The following IZUMO2 variants were observed in gnomAD, a reference collection of about 807,000 sequenced individuals.
IZUMO2 encodes IZUMO family member 2.
A neutral mutation model predicts 31.2 loss-of-function variants in IZUMO2; 24 were observed. The ratio of observed to expected loss-of-function variants is 0.77; its 90% CI spans 0.56 to 1.08. The LOEUF (loss-of-function observed/expected upper bound fraction) is 1.08. IZUMO2 is among the 50% of genes least tolerant of loss of function. The pLI, the probability that IZUMO2 is intolerant of heterozygous loss-of-function variation, is 0.00. For missense variants in IZUMO2, 278 were observed against 274.0 expected (o/e 1.01, Z -0.10); for synonymous variants, 144 against 117.3 (o/e 1.23, Z -1.47).
At chr19:50,157,677 G>C (rs1360932621) in intron 5 of IZUMO2, among the ~76,000 whole-genome samples, 1 of 1,036 alleles carries the variant, frequency 9.7e-4, no homozygotes, top group Non-Finnish European at 1.7e-3. Context: ...TGTAATCCCA[G>C]CACTTTGGGA....
At chr19:50,157,901 G>C (rs1878005995) in intron 5 of IZUMO2, among the ~76,000 whole-genome samples, 1 of 140,160 alleles carries the variant, frequency 7.1e-6, no homozygotes, top group Non-Finnish European at 1.5e-5. Flanking sequence ...GCCTGGGCGA[G>C]AATCCATATA....
chr19:50,155,446 A>G (rs2030182143), intron 5 of IZUMO2, among the ~76,000 whole-genome samples: 1 of 152,200 alleles, frequency 6.6e-6, no homozygotes, highest in Admixed American at 6.5e-5. Context: ...CATGAGAGGG[A>G]GGTGCAAAAT....
At chr19:50,155,679 G>C (rs904345031) in intron 5 of IZUMO2, among the ~76,000 whole-genome samples, 9 of 152,088 alleles carry the variant, frequency 5.9e-5, no homozygotes, top group Non-Finnish European at 1.5e-5. Flanking sequence ...CTTCTCTTAG[G>C]AGGCTCCCTT....
chr19:50,158,782 G>A (rs1204407771), intron 4 of IZUMO2, among the ~76,000 whole-genome samples: 3 of 152,124 alleles, frequency 2.0e-5, no homozygotes, highest in Non-Finnish European at 4.4e-5. Context: ...CCAATGGAAA[G>A]TGAGCAGGAT....
chr19:50,158,246 TC>T, intron 5 of IZUMO2, 21 bp downstream of exon 5: 1 of 1,548,426 alleles, frequency 6.5e-7, no homozygotes, highest in Non-Finnish European at 8.9e-7. Flanking sequence ...TCCCATGTCT[TC>T]CCCCACCCCC....
intron 3 of IZUMO2, 79 bp from the exon 4 acceptor site, chr19:50,159,329 G>A (rs1423445656): frequency 6.7e-7 from 1 of 1,486,578 alleles, no homozygotes; most frequent in Admixed American, 1.9e-5. Context: ...CAGGAGAGCA[G>A]GTAAGGGGTG....
chr19:50,159,142 A>C, intron 4 of IZUMO2, 88 bp downstream of exon 4: 1 of 1,319,730 alleles, frequency 7.6e-7, no homozygotes, highest in Non-Finnish European at 1.1e-6. Flanking sequence ...AAATGGAGTA[A>C]GGAGTGGTAG....
intron 5 of IZUMO2, among the ~76,000 whole-genome samples, chr19:50,155,701 CCA>C (rs2030191165): frequency 6.6e-6 from 1 of 152,184 alleles, no homozygotes; most frequent in Admixed American, 6.6e-5. Flanking sequence ...ACCCCTCCTC[CCA>C]CAGTTCCTCA....
chr19:50,153,416 GA>G (rs1307644638), intron 6 of IZUMO2, among the ~76,000 whole-genome samples: 2 of 152,214 alleles, frequency 1.3e-5, no homozygotes, highest in African/African-American at 4.8e-5. Context: ...GGGAGACAGA[GA>G]AATGAGGAGA....
chr19:50,162,432 A>C (rs1488758464), intron 2 of IZUMO2, among the ~76,000 whole-genome samples: 1 of 151,960 alleles, frequency 6.6e-6, no homozygotes, highest in African/African-American at 2.4e-5. Context: ...ATATAATGAG[A>C]CCCAGTCTCT....
chr19:50,157,630 G>A (rs1364894746), intron 5 of IZUMO2, among the ~76,000 whole-genome samples: 1 of 145,828 alleles, frequency 6.9e-6, no homozygotes, highest in Non-Finnish European at 1.5e-5. Context: ...TCTGCTATGA[G>A]AATACGTTTT....
chr19:50,153,366 T>C (rs1410858506), intron 6 of IZUMO2, among the ~76,000 whole-genome samples: 2 of 152,094 alleles, frequency 1.3e-5, no homozygotes, highest in African/African-American at 2.4e-5. Flanking sequence ...GTCACCCAAT[T>C]TGTGGTGATG....
rs760480367 is a variant in IZUMO2 at position 50,154,553 on chromosome 19, C to T, written c.623+47G>A. The T allele has an allele frequency of 1.6e-5, 26 of 1,608,822 alleles. No individual in the cohort carries two copies. The South Asian group carries it at 2.6e-4, about 16-fold the overall frequency. On this transcript the variant is annotated intron_variant, in intron 6 of 6. Transcript: ENST00000293405. ...CAGGGGAGTCGCCATTTTTGAGGGG[C>T]CCAGTGGGTTCCACGGGGGACTGAG...
In IZUMO2 at chr19:50,162,599, T is replaced by G. The variant is rs2030436102; in HGVS notation, c.307+140A>C. 1.3e-5 allele frequency: 9 copies of G among 685,676 alleles called. No individual in the cohort carries two copies. The South Asian group carries it at 1.7e-4, about 13-fold the overall frequency. 42.5% of individuals were successfully genotyped at this position (685,676 alleles called of 1,614,324 possible). ...TACTGCACTCCAGCCGGAGCGACAG[T>G]GAGGCTCTGTCTCTTAAAAAAGAAA... On this transcript the variant is annotated intron_variant, in intron 2 of 6. Coordinates refer to ENST00000293405, the MANE Select transcript of IZUMO2 (RefSeq NM_152358.3).
At chr19:50,155,748 C>T (rs771587874) in intron 5 of IZUMO2, among the ~76,000 whole-genome samples, 7 of 152,270 alleles carry the variant, frequency 4.6e-5, no homozygotes, top group East Asian at 1.9e-4. Flanking sequence ...AAACCTAAGT[C>T]GGCTCCCTCT....
At chr19:50,158,109 C>G (rs77183786) in intron 5 of IZUMO2, among the ~76,000 whole-genome samples, 159 bp downstream of exon 5, 3 of 151,940 alleles carry the variant, frequency 2.0e-5, no homozygotes, top group Admixed American at 6.6e-5. Context: ...AAGTGAATTT[C>G]AGAATACAGG....
intron 5 of IZUMO2, among the ~76,000 whole-genome samples, chr19:50,155,952 G>A (rs1282549663): frequency 6.6e-6 from 1 of 152,092 alleles, no homozygotes; most frequent in East Asian, 1.9e-4. Context: ...AATCATGTTG[G>A]ATCTTTGCAT....
In IZUMO2 at chr19:50,156,646, C is replaced by T. The variant is rs115514229; in HGVS notation, c.496+1622G>A. 3.6e-3 allele frequency among the ~76,000 whole-genome samples: 545 copies of T among 150,794 alleles called. 4 individuals carry two copies. Among genetic ancestry groups the T allele is most frequent in the African/African-American group, 0.013 (527 of 41,194 alleles). On this transcript the variant is annotated intron_variant, in intron 5 of 6. Coordinates refer to ENST00000293405, the MANE Select transcript of IZUMO2 (RefSeq NM_152358.3). ...ACTGATAAGAGAAACTGTTCTAGGC[C>T]GGGTGCAGTGACTCATGCCTGTAAT...
At chr19:50,159,722 A>C in intron 2 of IZUMO2, 142 bp from the exon 3 acceptor site, 1 of 615,634 alleles carries the variant, frequency 1.6e-6, no homozygotes, top group Admixed American at 2.9e-5. Context: ...AGGGTCCCCC[A>C]GGCAAATCTA....
Sources: gnomAD v4.1 joint callset for allele counts (sites outside exome capture counted in the v4.1 genomes callset) on GRCh38, gnomAD v4.1.1 for gene constraint, MANE v1.5 for transcripts, NCBI Gene and HGNC (gene_info 2026-07-23, HGNC 2026-07-21) for gene names.